Variants in ESRRB observed in about 807,000 individuals in gnomAD.
The protein encoded by ESRRB is steroid hormone receptor ERR2.
ESRRB carries 16 observed loss-of-function variants against 46.0 expected under a neutral mutation model. The observed-to-expected ratio is 0.35, with a 90% CI of 0.24 to 0.53. The LOEUF (loss-of-function observed/expected upper bound fraction) is 0.53. Ranked by LOEUF, ESRRB falls within the 20% of genes least tolerant of loss-of-function variation. The pLI is 0.93. For synonymous variants in ESRRB, 246 were observed against 259.6 expected (o/e 0.95, Z 0.50); for missense variants, 488 against 607.4 (o/e 0.80, Z 2.07).
At chr14:76,408,568 G>A (rs2139856219) in intron 1 of ESRRB, among the ~76,000 whole-genome samples, 1 of 144,918 alleles carries the variant, frequency 6.9e-6, no homozygotes, top group East Asian at 2.0e-4. Context: ...CTCCAGCCTG[G>A]GTGACAGAGT....
At chr14:76,336,838 T>G (rs1884132539) in intron 1 of ESRRB, among the ~76,000 whole-genome samples, 1 of 152,094 alleles carries the variant, frequency 6.6e-6, no homozygotes, top group South Asian at 2.1e-4. Flanking sequence ...TCAGTGTATC[T>G]TACATTTATG....
At chr14:76,457,796 C>A (rs1352662800) in intron 2 of ESRRB, among the ~76,000 whole-genome samples, 1 of 152,128 alleles carries the variant, frequency 6.6e-6, no homozygotes, top group Non-Finnish European at 1.5e-5. Flanking sequence ...CCTCAGCCTT[C>A]CGAATAGCTA....
chr14:76,469,926 G>GTTTTTTTTTT (rs1356927268), intron 3 of ESRRB, among the ~76,000 whole-genome samples: 35 of 67,554 alleles, frequency 5.2e-4, no homozygotes, highest in African/African-American at 1.1e-3. Context: ...TGTGTTTTTT[G>GTTTTTTTTTT]TTGTTTTTTT....
Position 76,499,157 on chromosome 14 carries a change from G to A in ESRRB, c.*699G>A, listed in dbSNP as rs979194325. ...TCCTCCTCCTCTTCTCCTCCCCCCGGGAGTCCCCCGCTACTTCCTGACCCT... is the reference window on the plus strand; with the variant it reads ...TCCTCCTCCTCTTCTCCTCCCCCCGAGAGTCCCCCGCTACTTCCTGACCCT... On this transcript the variant is annotated 3_prime_UTR_variant, in exon 7 of 7. Transcript: ENST00000644823. The A allele has an allele frequency of 6.4e-6, 2 of 310,848 alleles. No individual in the cohort carries two copies. Among genetic ancestry groups the A allele is most frequent in the Non-Finnish European group, 1.3e-5 (2 of 159,734 alleles). 19.3% of individuals were successfully genotyped at this position (310,848 alleles called of 1,614,324 possible).
chr14:76,416,477 C>G (rs564815715), intron 1 of ESRRB, among the ~76,000 whole-genome samples: 5 of 151,182 alleles, frequency 3.3e-5, no homozygotes, highest in African/African-American at 1.2e-4. Flanking sequence ...TTGTTCTTTT[C>G]TCTTTTTTTG....
chr14:76,489,680 G>A (rs1402863407), intron 5 of ESRRB, among the ~76,000 whole-genome samples: 1 of 152,196 alleles, frequency 6.6e-6, no homozygotes, highest in Non-Finnish European at 1.5e-5. Flanking sequence ...GGTAAGGGTG[G>A]TCTGCCTGGT....
intron 1 of ESRRB, among the ~76,000 whole-genome samples, chr14:76,330,420 C>T (rs1270484828): frequency 6.6e-6 from 1 of 152,230 alleles, no homozygotes; most frequent in Admixed American, 6.5e-5. Flanking sequence ...TAGGTGACAA[C>T]TCAAAGACCC....
chr14:76,378,478 A>G (rs1271685327), intron 1 of ESRRB, among the ~76,000 whole-genome samples: 1 of 151,798 alleles, frequency 6.6e-6, no homozygotes, highest in Non-Finnish European at 1.5e-5. Context: ...AGAGGTTTAG[A>G]TCCCCAACCC....
intron 1 of ESRRB, among the ~76,000 whole-genome samples, chr14:76,437,547 A>G (rs1173119630): frequency 6.6e-6 from 1 of 152,110 alleles, no homozygotes; most frequent in African/African-American, 2.4e-5. Context: ...TGACCTCCCT[A>G]TCCTTTGCTC....
At chr14:76,426,573 A>C (rs1487563199) in intron 1 of ESRRB, among the ~76,000 whole-genome samples, 2 of 152,224 alleles carry the variant, frequency 1.3e-5, no homozygotes, top group Non-Finnish European at 2.9e-5. Context: ...CATTGATTTC[A>C]GGTGAATTCT....
At position 76,499,155 on chromosome 14, in the gene ESRRB, C is replaced by CT. The variant is rs1328198882; in HGVS notation, c.*697_*698insT. The CT allele has an allele frequency of 1.3e-5, 4 of 312,442 alleles. No homozygotes were observed. The highest frequency in any genetic ancestry group is 4.4e-5 in the African/African-American group (2 of 45,632). The allele number at this position is 312,442 out of a possible 1,614,324, so 19.4% of individuals were successfully genotyped here. A position where few individuals can be genotyped will look rare whatever the true frequency, so the allele number is the denominator to read the frequency against. On this transcript the variant is annotated 3_prime_UTR_variant, in exon 7 of 7. Coordinates refer to ENST00000644823, the MANE Select transcript of ESRRB (RefSeq NM_001379180.1). Reference sequence around the variant, plus strand: ...TGTCCTCCTCCTCTTCTCCTCCCCCCGGGAGTCCCCCGCTACTTCCTGACC... The same window carrying CT: ...TGTCCTCCTCCTCTTCTCCTCCCCCCTGGGAGTCCCCCGCTACTTCCTGACC...
At chr14:76,419,699 C>A (rs932181190) in intron 1 of ESRRB, among the ~76,000 whole-genome samples, 1 of 152,154 alleles carries the variant, frequency 6.6e-6, no homozygotes, top group Admixed American at 6.5e-5. Context: ...CTATATTGAT[C>A]CTCACAATAA....
At position 76,498,408 on chromosome 14, in the gene ESRRB, A is replaced by G. The variant is rs747236672; in HGVS notation, c.1315A>G (p.Lys439Glu). ...CTTCTATAGCGTCAAACTGCAGGGC[A>G]AAGTGCCCATGCACAAACTCTTCCT... is the stretch of plus-strand genomic sequence containing the variant. ...QHFYSVKLQG[K>E]VPMHKLFLEM... Residue 439 changes from lysine to glutamate, a missense_variant, in exon 7 of 7, where the codon AAA becomes GAA. Physicochemically the swap from Lys to Glu is moderately conservative, Grantham distance 56. Transcript: ENST00000644823. The G allele has an allele frequency of 6.2e-7, 1 of 1,613,570 alleles. No individual in the cohort carries two copies. Among genetic ancestry groups the G allele is most frequent in the South Asian group, 1.1e-5 (1 of 91,080 alleles).
chr14:76,441,342 C>A (rs998777965), intron 2 of ESRRB, among the ~76,000 whole-genome samples: 3 of 152,180 alleles, frequency 2.0e-5, no homozygotes, highest in Admixed American at 1.3e-4. Flanking sequence ...CCTGGTGGGT[C>A]GCTCTGTAAA....
chr14:76,354,853 G>A (rs1490123715), intron 1 of ESRRB, among the ~76,000 whole-genome samples: 1 of 151,918 alleles, frequency 6.6e-6, no homozygotes, highest in South Asian at 2.1e-4. Flanking sequence ...GGAATTATAG[G>A]CATCCACCAC....
chr14:76,424,405 CT>C (rs1450777594), intron 1 of ESRRB, among the ~76,000 whole-genome samples: 1 of 152,194 alleles, frequency 6.6e-6, no homozygotes, highest in Non-Finnish European at 1.5e-5. Context: ...GGCTGATCCC[CT>C]TTCTTGGACC....
intron 1 of ESRRB, among the ~76,000 whole-genome samples, chr14:76,419,642 C>T (rs969236265): frequency 2.0e-5 from 3 of 152,020 alleles, no homozygotes; most frequent in Admixed American, 6.6e-5. Flanking sequence ...GTGAGGATGG[C>T]GGGGAGGTTG....
chr14:76,496,996 GTTATT>G (rs1890456943), intron 6 of ESRRB, among the ~76,000 whole-genome samples: 1 of 152,206 alleles, frequency 6.6e-6, no homozygotes, highest in Non-Finnish European at 1.5e-5. Context: ...ATCTTGCAAT[GTTATT>G]TTATTTCATT....
intron 1 of ESRRB, among the ~76,000 whole-genome samples, chr14:76,377,948 A>G (rs1272160142): frequency 6.6e-6 from 1 of 152,036 alleles, no homozygotes; most frequent in Non-Finnish European, 1.5e-5. Flanking sequence ...AGGAATCCTT[A>G]ATAATAATGG....
Sources: allele counts gnomAD v4.1 joint callset (sites outside exome capture counted in the v4.1 genomes callset), GRCh38; gene constraint gnomAD v4.1.1; transcripts MANE v1.5; gene names NCBI Gene and HGNC (gene_info 2026-07-23, HGNC 2026-07-21).